EEF2: variants seen among roughly 807,000 people sequenced by gnomAD.
EEF2 encodes eukaryotic translation elongation factor 2, also known as elongation factor 2.
A neutral mutation model predicts 85.3 loss-of-function variants in EEF2; 21 were observed. That is an observed-to-expected ratio of 0.25 (90% CI 0.17 to 0.35). The LOEUF (loss-of-function observed/expected upper bound fraction) is 0.35. EEF2 is among the 10% of genes least tolerant of loss of function. The pLI, the probability that EEF2 is intolerant of heterozygous loss-of-function variation, is 1.00. For missense variants in EEF2, 825 were observed against 1,225.3 expected (o/e 0.67, Z 4.88); for synonymous variants, 723 against 508.8 (o/e 1.42, Z -5.67).
intron 11 of EEF2, 143 bp downstream of exon 11, chr19:3,979,183 AAAG>A (rs1307179944): frequency 6.4e-6 from 4 of 626,758 alleles, no homozygotes; most frequent in African/African-American, 1.8e-5. Flanking sequence ...GGAAGACTGC[AAAG>A]AAGAAACTTG....
In EEF2 at chr19:3,985,433, G is replaced by A. The variant is rs546488032; in HGVS notation, c.-53C>T. ...GGTAGAACCGAAAGAAGCGAGTCGC[G>A]CCGAGGATGGCGGCGACGACGGCGG... On this transcript the variant is annotated 5_prime_UTR_variant, in exon 1 of 15. Coordinates refer to ENST00000309311, the MANE Select transcript of EEF2 (RefSeq NM_001961.4). The A allele has an allele frequency of 9.7e-5, 141 of 1,454,450 alleles. 1 individual carries two copies. The highest frequency in any genetic ancestry group is 7.0e-4 in the South Asian group (50 of 71,366). The allele number at this position is 1,454,450 out of a possible 1,614,324, so 90.1% of individuals were successfully genotyped here. A position where few individuals can be genotyped will look rare whatever the true frequency, so the allele number is the denominator to read the frequency against.
At chr19:3,982,164 T>C in intron 5 of EEF2, 82 bp downstream of exon 5, 2 of 1,600,992 alleles carry the variant, frequency 1.2e-6, no homozygotes, top group Non-Finnish European at 1.7e-6. Flanking sequence ...TGAGCCACGC[T>C]GTGAATAGCA....
At position 3,980,408 on chromosome 19, in the gene EEF2, CCTTCTATGCTCCTTA is replaced by C. The variant is rs2039730851; in HGVS notation, c.1346+91_1346+105del. 1.3e-5 allele frequency: 18 copies of C among 1,364,706 alleles called. No homozygotes were observed. The East Asian group carries it at 4.2e-4, about 32-fold the overall frequency. 84.5% of individuals were successfully genotyped at this position (1,364,706 alleles called of 1,614,324 possible). On this transcript the variant is annotated intron_variant, in intron 9 of 14. Coordinates refer to ENST00000309311, the MANE Select transcript of EEF2 (RefSeq NM_001961.4). ...GCTGGCACAAGTATCACCCTATATT[CCTTCTATGCTCCTTA>C]CTTCTAGCTCCCGACTGAGGAGCCC...
At chr19:3,981,236 C>G (rs1275675303) in intron 7 of EEF2, 103 bp downstream of exon 7, 5 of 1,200,804 alleles carry the variant, frequency 4.2e-6, no homozygotes, top group Admixed American at 1.9e-5. Flanking sequence ...CAGCAGCTGT[C>G]CCTGCCCAGC....
In EEF2 at chr19:3,977,707, G is replaced by C. The variant is rs1235814319; in HGVS notation, c.2068-97C>G. ...TGCAGGTCTCCACCAGGGGGACCTG[G>C]GGCCTTGCCCGCCTTGGCCCCATTA... On this transcript the variant is annotated intron_variant, in intron 12 of 14. Transcript: ENST00000309311. This position sits in a 1 kb window ranked among gnomAD's most constrained non-coding sequence, Gnocchi z 5.4. 3 of 1,478,330 alleles carry C rather than the reference G, an allele frequency of 2.0e-6. No individual in the cohort carries two copies. Among genetic ancestry groups the C allele is most frequent in the Admixed American group, 2.3e-5 (1 of 42,598 alleles). The allele number at this position is 1,478,330 out of a possible 1,614,324, so 91.6% of individuals were successfully genotyped here. A position where few individuals can be genotyped will look rare whatever the true frequency, so the allele number is the denominator to read the frequency against.
Position 3,980,561 on chromosome 19 carries a change from G to A in EEF2, c.1299C>T (p.Asn433=). The A allele has an allele frequency of 6.2e-7, 1 of 1,614,236 alleles. No individual in the cohort carries two copies. The highest frequency in any genetic ancestry group is 1.1e-5 in the South Asian group (1 of 91,092). The stretch of plus-strand genomic sequence containing the variant: ...GGTCCTCCTTCTTCCCAGGGGTATA[G>A]TTGGGCCCCATGATCCTGACCTTCA... The part of the protein sequence containing the change: ...TGLKVRIMGP[N]YTPGKKEDLY... Residue 433 remains asparagine, a synonymous_variant, in exon 9 of 15, where the codon AAC becomes AAT. Coordinates refer to ENST00000309311, the MANE Select transcript of EEF2 (RefSeq NM_001961.4).
At chr19:3,981,560 G>T in intron 6 of EEF2, 108 bp from the exon 7 acceptor site, 3 of 1,058,304 alleles carry the variant, frequency 2.8e-6, no homozygotes, top group Admixed American at 1.9e-5. Flanking sequence ...GACGCAGCAC[G>T]GGAGCAGGAG....
In EEF2 at chr19:3,979,889, G is replaced by A. The variant is rs775626610; in HGVS notation, c.1524C>T (p.Ala508=). ...KFSVSPVVRV[A]VEAKNPADLP... ...GGTCAGCCGGGTTCTTGGCCTCCAC[G>A]GCCACTCTGACAACAGGGCTGACGC... The change falls in exon 10 of 15, where the codon GCC becomes GCT. Residue 508 remains alanine, a synonymous_variant. Coordinates refer to ENST00000309311, the MANE Select transcript of EEF2 (RefSeq NM_001961.4). 1.3e-4 allele frequency: 217 copies of A among 1,613,728 alleles called. No individual in the cohort carries two copies. The highest frequency in any genetic ancestry group is 1.7e-4 in the Non-Finnish European group (203 of 1,180,060).
chr19:3,984,427 G>A lies in EEF2; in HGVS notation c.4-77C>T, dbSNP rs528582414. On this transcript the variant is annotated intron_variant, in intron 1 of 14. Coordinates refer to ENST00000309311, the MANE Select transcript of EEF2 (RefSeq NM_001961.4). ...ATGGCACGGAGCGTTCAGTCCAAAC[G>A]AACCAGCATGCCCAAGGCCAGGAGG... is the stretch of plus-strand genomic sequence containing the variant. The A allele has an allele frequency of 1.2e-4, 175 of 1,485,266 alleles. No homozygotes were observed. In the African/African-American group the frequency reaches 2.2e-3, roughly 18 times the overall value. The allele number at this position is 1,485,266 out of a possible 1,614,324, so 92.0% of individuals were successfully genotyped here.
At chr19:3,982,559 C>G in intron 4 of EEF2, 135 bp from the exon 5 acceptor site, 3 of 1,265,012 alleles carry the variant, frequency 2.4e-6, no homozygotes, top group Non-Finnish European at 1.1e-6. Context: ...AAGAAATGAT[C>G]AGTCATCACG....
chr19:3,984,677 T>C, intron 1 of EEF2: 1 of 276,240 alleles, frequency 3.6e-6, no homozygotes, highest in Non-Finnish European at 7.0e-6. Flanking sequence ...GGATGAATCC[T>C]CTCCTAAAGC....
chr19:3,981,137 C>T (rs1245478078), intron 7 of EEF2, among the ~76,000 whole-genome samples, 158 bp from the exon 8 acceptor site: 1 of 152,256 alleles, frequency 6.6e-6, no homozygotes, highest in African/African-American at 2.4e-5. Context: ...ATGCACACTC[C>T]TGCCAAGGCC....
intron 10 of EEF2, 149 bp downstream of exon 10, chr19:3,979,659 G>A (rs1351834354): frequency 7.9e-7 from 1 of 1,268,868 alleles, no homozygotes; most frequent in Non-Finnish European, 1.1e-6. Flanking sequence ...CTGGGCAGGA[G>A]TCTCCATTTA....
At chr19:3,982,604 G>T in intron 4 of EEF2, 180 bp from the exon 5 acceptor site, 1 of 1,055,382 alleles carries the variant, frequency 9.5e-7, no homozygotes, top group Non-Finnish European at 1.4e-6. Flanking sequence ...ACCCAGGGCA[G>T]CGTTCCCTGA....
chr19:3,978,170 T>C lies in EEF2; in HGVS notation c.1716A>G (p.Lys572=), dbSNP rs1358847936. 6.9e-7 allele frequency: 1 copy of C among 1,442,602 alleles called. No individual in the cohort carries two copies. The highest frequency in any genetic ancestry group is 9.2e-7 in the Non-Finnish European group (1 of 1,092,176). 89.4% of individuals were successfully genotyped at this position (1,442,602 alleles called of 1,614,324 possible). A position where few individuals can be genotyped will look rare whatever the true frequency, so the allele number is the denominator to read the frequency against. The change falls in exon 12 of 15, where the codon AAA becomes AAG. Residue 572 remains lysine (K), a splice_region_variant and synonymous_variant. Transcript: ENST00000309311. ...CGCGGTACGAGACGACCGGGTCAGATTTCTGCAAAAAGAGGTTAAGTCCCA... is the reference window on the plus strand; with the variant it reads ...CGCGGTACGAGACGACCGGGTCAGACTTCTGCAAAAAGAGGTTAAGTCCCA... ...EEDHACIPIK[K]SDPVVSYRET... is the part of the protein sequence containing the mutation.
chr19:3,982,508 C>T lies in EEF2; in HGVS notation c.613-84G>A, dbSNP rs1423581262. Reference sequence around the variant, plus strand: ...CGGGCTGGGCGCCTTGGGCATGGGCCTCAGACGCAGGCTTTCTTCAGTAGA... The same window carrying T: ...CGGGCTGGGCGCCTTGGGCATGGGCTTCAGACGCAGGCTTTCTTCAGTAGA... On this transcript the variant is annotated intron_variant, in intron 4 of 14. Transcript: ENST00000309311. The T allele has an allele frequency of 3.3e-6, 5 of 1,537,274 alleles. No homozygotes were observed. The Admixed American group carries it at 8.4e-5, about 26-fold the overall frequency.
At chr19:3,983,671 T>A (rs892442538) in intron 2 of EEF2, among the ~76,000 whole-genome samples, 3 of 152,048 alleles carry the variant, frequency 2.0e-5, no homozygotes. Flanking sequence ...TGAAGAGCCT[T>A]AGCCAGAGTC....
intron 3 of EEF2, 21 bp from the exon 4 acceptor site, chr19:3,983,039 G>A (rs1476110416): frequency 3.1e-6 from 5 of 1,611,842 alleles, no homozygotes; most frequent in Admixed American, 1.7e-5. Flanking sequence ...GGGGGACAGG[G>A]CGGCGCTGTC....
chr19:3,977,697 G>T lies in EEF2; in HGVS notation c.2068-87C>A. ...TGCCAAGTCCTGCAGGTCTCCACCA[G>T]GGGGACCTGGGGCCTTGCCCGCCTT... On this transcript the variant is annotated intron_variant, in intron 12 of 14. Transcript: ENST00000309311. This position sits in a 1 kb window ranked among gnomAD's most constrained non-coding sequence, Gnocchi z 5.4. 1 of 1,473,858 alleles carries T rather than the reference G, an allele frequency of 6.8e-7. No homozygotes were observed. Among genetic ancestry groups the T allele is most frequent in the East Asian group, 2.3e-5 (1 of 42,978 alleles). 91.3% of individuals were successfully genotyped at this position (1,473,858 alleles called of 1,614,324 possible).
Sources: allele counts gnomAD v4.1 joint callset (sites outside exome capture counted in the v4.1 genomes callset), GRCh38; gene constraint gnomAD v4.1.1; non-coding constraint Gnocchi (gnomAD v3.1); transcripts MANE v1.5; gene names NCBI Gene and HGNC (gene_info 2026-07-23, HGNC 2026-07-21).